Variants in CACNA2D3 observed in about 807,000 individuals in gnomAD.
The protein encoded by CACNA2D3 is voltage-dependent calcium channel subunit alpha-2/delta-3.
Under a neutral mutation model 160.6 loss-of-function variants are expected in CACNA2D3, and 60 were observed. The observed-to-expected ratio is 0.37, with a 90% CI of 0.30 to 0.46. The LOEUF (loss-of-function observed/expected upper bound fraction) is 0.46, where lower values mean the gene tolerates loss of function less well. Ranked by LOEUF, CACNA2D3 falls within the 20% of genes least tolerant of loss-of-function variation. CACNA2D3 has a pLI of 1.00. For missense variants in CACNA2D3, 1,205 were observed against 1,365.0 expected, an observed-to-expected ratio of 0.88 and a Z score of 1.85; for synonymous variants, 558 against 492.9, an observed-to-expected ratio of 1.13 and a Z score of -1.75.
chr3:54,723,691 G>A (rs2102946), intron 11 of CACNA2D3, among the ~76,000 whole-genome samples: 30,553 of 152,038 alleles, frequency 0.2, 3,315 homozygotes, highest in African/African-American at 0.24. Context: ...ACTCTGCTTC[G>A]GCTCACCCTC....
At chr3:54,728,102 T>A (rs889805120) in intron 11 of CACNA2D3, among the ~76,000 whole-genome samples, 2 of 152,246 alleles carry the variant, frequency 1.3e-5, no homozygotes, top group Non-Finnish European at 2.9e-5. Flanking sequence ...TGTGTATATC[T>A]TCTTGAATCT....
In CACNA2D3 at chr3:54,562,930, G is replaced by T; in HGVS notation, c.675G>T (p.Pro225=). ...GSAKGFFRQY[P]GIKWEPDENG... The stretch of plus-strand genomic sequence containing the variant: ...CAAAGGGCTTTTTTAGGCAGTATCC[G>T]GGTGAGTATACCTGCATTGACAGTT... The change falls in exon 6 of 38, where the codon CCG becomes CCT. Residue 225 remains proline, a splice_region_variant and synonymous_variant. Coordinates refer to ENST00000474759, the MANE Select transcript of CACNA2D3 (RefSeq NM_018398.3). The T allele has an allele frequency of 6.2e-7, 1 of 1,612,974 alleles. No homozygotes were observed. The highest frequency in any genetic ancestry group is 8.5e-7 in the Non-Finnish European group (1 of 1,179,278).
intron 4 of CACNA2D3, among the ~76,000 whole-genome samples, chr3:54,491,276 C>A (rs1470158626): frequency 4.6e-5 from 7 of 152,176 alleles, no homozygotes; most frequent in African/African-American, 1.7e-4. Context: ...ACAGCATGCA[C>A]ACAGGAAACA....
chr3:55,020,162 T>G (rs1703415849), intron 35 of CACNA2D3, among the ~76,000 whole-genome samples: 1 of 151,532 alleles, frequency 6.6e-6, no homozygotes. Context: ...ACATTAATAT[T>G]TCTAAAATTT....
chr3:55,042,957 G>T (rs890970234), intron 35 of CACNA2D3, among the ~76,000 whole-genome samples: 4 of 152,066 alleles, frequency 2.6e-5, no homozygotes, highest in African/African-American at 4.8e-5. Flanking sequence ...TCATATTACT[G>T]CTGGTATTCA....
chr3:54,904,315 A>G (rs1413664540), intron 27 of CACNA2D3, among the ~76,000 whole-genome samples: 2 of 152,346 alleles, frequency 1.3e-5, no homozygotes, highest in East Asian at 1.9e-4. Context: ...ATATCAGGGT[A>G]GAAATGACCT....
intron 17 of CACNA2D3, among the ~76,000 whole-genome samples, chr3:54,869,584 C>A (rs1434633714): frequency 1.3e-5 from 2 of 152,206 alleles, no homozygotes; most frequent in Non-Finnish European, 2.9e-5. Flanking sequence ...TACGAAAGTT[C>A]TGCATGTGAA....
At chr3:54,666,165 A>T (rs1474564198) in intron 11 of CACNA2D3, among the ~76,000 whole-genome samples, 3 of 152,206 alleles carry the variant, frequency 2.0e-5, no homozygotes, top group African/African-American at 7.2e-5. Context: ...ATAATTCCTT[A>T]TTTATAAAAG....
At chr3:54,380,777 T>C (rs1699090731) in intron 3 of CACNA2D3, among the ~76,000 whole-genome samples, 1 of 152,150 alleles carries the variant, frequency 6.6e-6, no homozygotes, top group Non-Finnish European at 1.5e-5. Context: ...GGGTAACAGT[T>C]CAACCATGCC....
At chr3:54,606,843 G>T (rs1328234133) in intron 9 of CACNA2D3, among the ~76,000 whole-genome samples, 1 of 152,076 alleles carries the variant, frequency 6.6e-6, no homozygotes, top group Non-Finnish European at 1.5e-5. Flanking sequence ...GACTATAAAA[G>T]TCTAAATTAA....
chr3:54,657,463 C>G (rs1174269956), intron 11 of CACNA2D3, among the ~76,000 whole-genome samples: 1 of 152,182 alleles, frequency 6.6e-6, no homozygotes, highest in Non-Finnish European at 1.5e-5. Flanking sequence ...TGTTATACAG[C>G]AGATCACTGG....
At chr3:54,337,935 G>C (rs757510638) in intron 3 of CACNA2D3, among the ~76,000 whole-genome samples, 1 of 152,062 alleles carries the variant, frequency 6.6e-6, no homozygotes, top group Admixed American at 6.5e-5. Flanking sequence ...ACCCCTTTTT[G>C]GTTATTAAGA....
chr3:54,409,626 T>C lies in CACNA2D3; in HGVS notation c.381+22852T>C, dbSNP rs533475487. Among the ~76,000 whole-genome samples the C allele has an allele frequency of 5.9e-5, 9 of 152,220 alleles. No homozygotes were observed. The East Asian group carries it at 7.7e-4, about 13-fold the overall frequency. ...CTCTTGCACCAAGCAGTTAGCTAAG[T>C]TGTGAGAGCAAAGGAAAAGCCTTGA... On this transcript the variant is annotated intron_variant, in intron 4 of 37. Transcript: ENST00000474759.
chr3:54,265,571 A>ATG (rs1190885501), intron 2 of CACNA2D3, among the ~76,000 whole-genome samples: 2 of 134,376 alleles, frequency 1.5e-5, no homozygotes, highest in African/African-American at 3.5e-5. Flanking sequence ...GTGTGTATAT[A>ATG]TATAGTGTGT....
intron 13 of CACNA2D3, among the ~76,000 whole-genome samples, chr3:54,771,824 G>GGCCATTTTTGAATCTTGC (rs1702327977): frequency 1.3e-5 from 2 of 152,074 alleles, no homozygotes; most frequent in Admixed American, 1.3e-4. Flanking sequence ...TGTACTTGGG[G>GGCCATTTTTGAATCTTGC]CAGAAATCTT....
rs369200098 is a variant in CACNA2D3 at position 54,249,147 on chromosome 3, T to C, written c.205-71295T>C. Among the ~76,000 whole-genome samples, 6 of 152,190 alleles carry C rather than the reference T, an allele frequency of 3.9e-5. No homozygotes were observed. In the East Asian group the frequency reaches 1.2e-3, roughly 29 times the overall value. On this transcript the variant is annotated intron_variant, in intron 2 of 37. Coordinates refer to ENST00000474759, the MANE Select transcript of CACNA2D3 (RefSeq NM_018398.3). ...GTGTTGGATTTGGTTGTACACAGGT[T>C]AGTTTTTATCATACTAGGAAGAAGT...
At chr3:55,072,723 A>G (rs938812252) in intron 35 of CACNA2D3, among the ~76,000 whole-genome samples, 8 of 152,078 alleles carry the variant, frequency 5.3e-5, no homozygotes, top group Admixed American at 5.2e-4. Context: ...TTGTTAAAGG[A>G]TTATTTTATA....
intron 3 of CACNA2D3, among the ~76,000 whole-genome samples, chr3:54,322,128 C>T (rs1704016610): frequency 6.6e-6 from 1 of 152,214 alleles, no homozygotes; most frequent in South Asian, 2.1e-4. Flanking sequence ...GGGGGCCATG[C>T]AGCATGCTGC....
chr3:54,848,462 A>G (rs1261847943), intron 17 of CACNA2D3, among the ~76,000 whole-genome samples: 2 of 152,214 alleles, frequency 1.3e-5, no homozygotes, highest in Non-Finnish European at 2.9e-5. Context: ...GAGAACCCAA[A>G]CCATATGAAC....
Sources: allele counts gnomAD v4.1 joint callset (sites outside exome capture counted in the v4.1 genomes callset), GRCh38; gene constraint gnomAD v4.1.1; transcripts MANE v1.5; gene names NCBI Gene and HGNC (gene_info 2026-07-23, HGNC 2026-07-21).